TPO: variants seen among roughly 807,000 people sequenced by gnomAD.
TPO encodes the protein thyroid peroxidase, also known as thyroid microsomal antigen.
Under a neutral mutation model 96.9 loss-of-function variants are expected in TPO, and 78 were observed. The ratio of observed to expected loss-of-function variants is 0.81; its 90% CI spans 0.67 to 0.97. The LOEUF is 0.97. TPO is among the 50% of genes least tolerant of loss of function. The pLI is 0.00. For synonymous variants in TPO, 547 were observed against 538.0 expected, an observed-to-expected ratio of 1.02 and a Z score of -0.23; for missense variants, 1,252 against 1,274.8, an observed-to-expected ratio of 0.98 and a Z score of 0.27.
At chr2:1,381,192 C>A (rs1207493687) in intron 1 of TPO, among the ~76,000 whole-genome samples, 3 of 152,082 alleles carry the variant, frequency 2.0e-5, no homozygotes, top group African/African-American at 7.2e-5. Flanking sequence ...AGCTTCTGCA[C>A]AGCAAAAGAA....
chr2:1,450,671 T>C (rs1266212397), intron 5 of TPO, among the ~76,000 whole-genome samples: 1 of 152,030 alleles, frequency 6.6e-6, no homozygotes, highest in Non-Finnish European at 1.5e-5. Context: ...TTGCGGAGGG[T>C]CCACAACAAA....
rs375764058 is a variant in TPO, at chr2:1,480,353, C to T, written c.1338+2749C>T. 1.5e-4 allele frequency among the ~76,000 whole-genome samples: 23 copies of T among 152,150 alleles called. No homozygotes were observed. In the East Asian group the frequency reaches 3.1e-3, roughly 20 times the overall value. The stretch of plus-strand genomic sequence containing the variant: ...TAACGTGTCGATAGAGCCACTGCTG[C>T]GACTTCTAGCCGTATTTGAAAGATC... On this transcript the variant is annotated intron_variant, in intron 8 of 16. Coordinates refer to ENST00000329066, the MANE Select transcript of TPO (RefSeq NM_001206744.2).
chr2:1,441,255 C>T (rs1046434734), intron 5 of TPO, among the ~76,000 whole-genome samples: 1 of 152,194 alleles, frequency 6.6e-6, no homozygotes, highest in African/African-American at 2.4e-5. Context: ...GGGAATGGGG[C>T]AGACTCCTTC....
At chr2:1,429,870 G>T (rs925469180) in intron 3 of TPO, among the ~76,000 whole-genome samples, 1 of 152,192 alleles carries the variant, frequency 6.6e-6, no homozygotes, top group African/African-American at 2.4e-5. Flanking sequence ...TGAGAGCAAA[G>T]AAATGATTTG....
At chr2:1,425,237 G>A (rs946086882) in intron 3 of TPO, among the ~76,000 whole-genome samples, 6 of 151,600 alleles carry the variant, frequency 4.0e-5, no homozygotes, top group South Asian at 2.1e-4. Flanking sequence ...AGATGAGTTC[G>A]ATCATTTCAT....
intron 13 of TPO, among the ~76,000 whole-genome samples, chr2:1,499,128 A>G (rs1046737866): frequency 1.3e-5 from 2 of 152,144 alleles, no homozygotes; most frequent in African/African-American, 4.8e-5. Flanking sequence ...CAAATAAAAG[A>G]TGGGTGAGAC....
chr2:1,409,029 C>G (rs1008165168), upstream of TPO, among the ~76,000 whole-genome samples: 1 of 152,138 alleles, frequency 6.6e-6, no homozygotes, highest in African/African-American at 2.4e-5. Flanking sequence ...TGTAGAAACG[C>G]AAAGCACAGG....
Position 1,445,036 on chromosome 2 carries a change from A to C in TPO, c.482+8652A>C, listed in dbSNP as rs12993998. Reference sequence around the variant, plus strand: ...GAGGTACCATGTTGGAAGGGAATGGAGCTGGCTCCTTCTTGTTTGTATGAT... The same window carrying C: ...GAGGTACCATGTTGGAAGGGAATGGCGCTGGCTCCTTCTTGTTTGTATGAT... On this transcript the variant is annotated intron_variant, in intron 5 of 16. Transcript: ENST00000329066. Among the ~76,000 whole-genome samples the C allele has an allele frequency of 2.0e-4, 3 of 15,372 alleles. 1 individual carries two copies. Among genetic ancestry groups the C allele is most frequent in the African/African-American group, 5.4e-4 (3 of 5,514 alleles). The allele number at this position is 15,372 out of a possible 152,430, so 10.1% of individuals were successfully genotyped here.
intron 15 of TPO, among the ~76,000 whole-genome samples, chr2:1,530,886 C>A (rs1464253053): frequency 7.6e-5 from 9 of 118,318 alleles, no homozygotes; most frequent in Admixed American, 1.7e-4. Flanking sequence ...GCAAATCCCC[C>A]CACTGTGTGC....
chr2:1,390,881 G>C (rs1661989401), intron 1 of TPO, among the ~76,000 whole-genome samples: 1 of 152,044 alleles, frequency 6.6e-6, no homozygotes. Context: ...TGATGGGGTT[G>C]TTTTTTTCTT....
chr2:1,478,392 G>A (rs1038575807), intron 8 of TPO: 79 of 985,012 alleles, frequency 8.0e-5, no homozygotes, highest in Admixed American at 1.2e-4. Flanking sequence ...AGTCCTAGCC[G>A]GGAGCCTGCA....
chr2:1,473,404 C>G (rs1056939266), intron 7 of TPO, among the ~76,000 whole-genome samples: 1 of 152,172 alleles, frequency 6.6e-6, no homozygotes, highest in Admixed American at 6.5e-5. Context: ...TTAACAGATT[C>G]ATCTGTTCTT....
At chr2:1,380,350 CTT>C (rs1661791036) in intron 1 of TPO, among the ~76,000 whole-genome samples, 2 of 145,306 alleles carry the variant, frequency 1.4e-5, no homozygotes, top group Non-Finnish European at 3.0e-5. Flanking sequence ...GCCGAGATCA[CTT>C]TACTGCACTC....
chr2:1,444,156 T>C (rs940252166), intron 5 of TPO, among the ~76,000 whole-genome samples: 1 of 135,510 alleles, frequency 7.4e-6, no homozygotes, highest in Non-Finnish European at 1.6e-5. Context: ...GGCACCATGT[T>C]GGAAGGGAAT....
intron 7 of TPO, among the ~76,000 whole-genome samples, chr2:1,470,491 A>T (rs1319579631): frequency 6.6e-6 from 1 of 151,142 alleles, no homozygotes; most frequent in African/African-American, 2.4e-5. Context: ...CTACATTGTT[A>T]TCTTACTGAG....
chr2:1,499,936 G>C (rs1031724194), intron 13 of TPO, among the ~76,000 whole-genome samples: 5 of 152,238 alleles, frequency 3.3e-5, no homozygotes, highest in Admixed American at 2.0e-4. Context: ...ACAGTACAAA[G>C]AGCGGGGTGC....
chr2:1,400,925 C>G (rs1434785625), intron 1 of TPO, among the ~76,000 whole-genome samples: 1 of 152,204 alleles, frequency 6.6e-6, no homozygotes, highest in Non-Finnish European at 1.5e-5. Context: ...AAAAATCCAG[C>G]AATACAAGTA....
chr2:1,447,385 CCCGCTT>C (rs1192167805), intron 5 of TPO, among the ~76,000 whole-genome samples: 1 of 152,170 alleles, frequency 6.6e-6, no homozygotes, highest in African/African-American at 2.4e-5. Flanking sequence ...CCTAGAAGCC[CCCGCTT>C]CCAGATGTCC....
chr2:1,490,907 C>G (rs2124895027), intron 10 of TPO, among the ~76,000 whole-genome samples: 1 of 152,320 alleles, frequency 6.6e-6, no homozygotes, highest in Non-Finnish European at 1.5e-5. Context: ...CACAGTGGCT[C>G]ACGCCTGTAA....
Sources: gnomAD v4.1 joint callset for allele counts (sites outside exome capture counted in the v4.1 genomes callset) on GRCh38, gnomAD v4.1.1 for gene constraint, MANE v1.5 for transcripts, NCBI Gene and HGNC (gene_info 2026-07-23, HGNC 2026-07-21) for gene names.